The following PKP2 variants were observed in gnomAD, a reference collection of about 807,000 sequenced individuals.
PKP2 encodes plakophilin 2, also known as plakophilin-2.
Under a neutral mutation model 83.4 loss-of-function variants are expected in PKP2, and 73 were observed. That is an observed-to-expected ratio of 0.88 (90% confidence interval 0.72 to 1.06). The LOEUF (loss-of-function observed/expected upper bound fraction) is 1.06, where lower values mean the gene tolerates loss of function less well. PKP2 is among the 50% of genes least tolerant of loss of function. The pLI, the probability that PKP2 is intolerant of heterozygous loss-of-function variation, is 0.00. For missense variants in PKP2, 966 were observed against 1,065.4 expected, an observed-to-expected ratio of 0.91 and a Z score of 1.30; for synonymous variants, 409 against 430.4, an observed-to-expected ratio of 0.95 and a Z score of 0.62.
chr12:32,849,041 T>C (rs1956674065), intron 5 of PKP2, among the ~76,000 whole-genome samples: 1 of 150,922 alleles, frequency 6.6e-6, no homozygotes, highest in African/African-American at 2.4e-5. Flanking sequence ...CTATGATGTA[T>C]ATTCTTTGAG....
chr12:32,864,309 T>TAC (rs35886681), intron 4 of PKP2, among the ~76,000 whole-genome samples: 21,677 of 145,694 alleles, frequency 0.15, 1,641 homozygotes, highest in Middle Eastern at 0.2. Context: ...ACTATACACA[T>TAC]ACACACACAC....
chr12:32,895,908 C>A (rs1286385140), intron 1 of PKP2, among the ~76,000 whole-genome samples: 1 of 152,220 alleles, frequency 6.6e-6, no homozygotes, highest in Non-Finnish European at 1.5e-5. Flanking sequence ...TGTTTGTTCC[C>A]TGGACCAAAG....
intron 6 of PKP2, among the ~76,000 whole-genome samples, chr12:32,839,616 T>A (rs767308075): frequency 1.6e-4 from 25 of 152,090 alleles, no homozygotes; most frequent in Non-Finnish European, 2.6e-4. Flanking sequence ...CTGCAATATC[T>A]CAGCCACATG....
intron 10 of PKP2, among the ~76,000 whole-genome samples, chr12:32,797,715 C>T (rs145644046): frequency 0.054 from 8,191 of 151,728 alleles, 267 homozygotes; most frequent in Non-Finnish European, 0.079. Context: ...GCCACCACGC[C>T]GGGCTAATTT....
intron 3 of PKP2, among the ~76,000 whole-genome samples, chr12:32,876,195 A>G (rs899834394): frequency 6.6e-6 from 1 of 152,188 alleles, no homozygotes; most frequent in African/African-American, 2.4e-5. Context: ...TACTCAATAT[A>G]GTGTCTGCTT....
At position 32,863,206 on chromosome 12, in the gene PKP2, G is replaced by A. The variant is rs557836382; in HGVS notation, c.1170+5721C>T. The A allele has an allele frequency of 3.4e-5, 8 of 235,766 alleles. No individual in the cohort carries two copies. In the South Asian group the frequency reaches 5.9e-4, roughly 17 times the overall value. 14.6% of individuals were successfully genotyped at this position (235,766 alleles called of 1,614,324 possible). ...TCTTCTTAAAATTAAAGGTGTTTAT[G>A]CCCGAGATGAAACAGAATTCTACTT... is the stretch of plus-strand genomic sequence containing the variant. On this transcript the variant is annotated intron_variant, in intron 4 of 12. Coordinates refer to ENST00000340811, the MANE Select transcript of PKP2 (RefSeq NM_001005242.3).
At chr12:32,819,807 C>T (rs1956358904) in intron 9 of PKP2, among the ~76,000 whole-genome samples, 1 of 151,902 alleles carries the variant, frequency 6.6e-6, no homozygotes, top group African/African-American at 2.4e-5. Context: ...AGGCTAAAAT[C>T]CAAGCTTAAA....
chr12:32,870,393 C>T (rs1956885492), intron 3 of PKP2, among the ~76,000 whole-genome samples: 1 of 151,974 alleles, frequency 6.6e-6, no homozygotes, highest in African/African-American at 2.4e-5. Flanking sequence ...TGTTCAAACA[C>T]AGAAGGGTTA....
chr12:32,817,841 G>A (rs1956333996), intron 9 of PKP2, among the ~76,000 whole-genome samples: 1 of 152,152 alleles, frequency 6.6e-6, no homozygotes, highest in Non-Finnish European at 1.5e-5. Context: ...GGACTGTTAG[G>A]AACCCGCCGC....
At chr12:32,802,215 C>A (rs1956187385) in intron 10 of PKP2, among the ~76,000 whole-genome samples, 188 bp downstream of exon 10, 1 of 151,166 alleles carries the variant, frequency 6.6e-6, no homozygotes, top group Non-Finnish European at 1.5e-5. Flanking sequence ...TAAAAAAAAT[C>A]TCTGGTGAGA....
intron 9 of PKP2, among the ~76,000 whole-genome samples, chr12:32,819,080 C>A (rs1956347834): frequency 6.6e-6 from 1 of 151,816 alleles, no homozygotes; most frequent in African/African-American, 2.4e-5. Flanking sequence ...GAGTTTGAGA[C>A]CAGCCTGGCC....
rs1956955311 is a variant in PKP2, at chr12:32,878,440, C to T, written c.440G>A (p.Arg147Lys). 1 of 1,614,120 alleles carries T rather than the reference C, an allele frequency of 6.2e-7. No individual in the cohort carries two copies. Among genetic ancestry groups the T allele is most frequent in the East Asian group, 2.2e-5 (1 of 44,860 alleles). The change falls in exon 3 of 13, where the codon AGA becomes AAA. Residue 147 changes from arginine (R) to lysine (K), a missense_variant. Physicochemically the swap from Arg to Lys is conservative, Grantham distance 26. Transcript: ENST00000340811. ...EERSLRHPLR[R>K]LEISPDSSPE... ...GCTGCTGTCAGGAGAAATCTCCAGT[C>T]TCCTCAGAGGATGCCTCAAGGACCT...
At position 32,813,989 on chromosome 12, in the gene PKP2, C is replaced by G. The variant is rs1459129657; in HGVS notation, c.2013+7367G>C. On this transcript the variant is annotated intron_variant, in intron 9 of 12. Transcript: ENST00000340811. ...TTAATTTGCAGAACATTCTGTTAGA[C>G]TATTTGCTCTCCTCTGAGAAGAATC... Among the ~76,000 whole-genome samples the G allele has an allele frequency of 2.0e-5, 3 of 152,080 alleles. No individual in the cohort carries two copies. In the East Asian group the frequency reaches 5.8e-4, roughly 29 times the overall value.
At chr12:32,885,336 A>C (rs892906037) in intron 1 of PKP2, among the ~76,000 whole-genome samples, 4 of 152,234 alleles carry the variant, frequency 2.6e-5, no homozygotes, top group Non-Finnish European at 5.9e-5. Context: ...ATTGCTCGAA[A>C]TAATGAATTA....
chr12:32,858,125 AT>A (rs1220432775), intron 4 of PKP2, among the ~76,000 whole-genome samples: 1 of 96,870 alleles, frequency 1.0e-5, no homozygotes, highest in African/African-American at 4.2e-5. Flanking sequence ...ATTTATATAT[AT>A]TTTATATTTA....
chr12:32,819,272 C>T lies in PKP2; in HGVS notation c.2013+2084G>A, dbSNP rs1049926077. On this transcript the variant is annotated intron_variant, in intron 9 of 12. Transcript: ENST00000340811. ...CAGCCTGGGCAACAGAGTGAGATTC[C>T]GCCTCAAAATAAATACAATACAATA... Among the ~76,000 whole-genome samples, 24 of 148,344 alleles carry T rather than the reference C, an allele frequency of 1.6e-4. 1 individual carries two copies. Among genetic ancestry groups the T allele is most frequent in the Admixed American group, 7.4e-4 (11 of 14,826 alleles).
At chr12:32,858,294 A>G (rs1252607997) in intron 4 of PKP2, among the ~76,000 whole-genome samples, 1 of 150,090 alleles carries the variant, frequency 6.7e-6, no homozygotes, top group Non-Finnish European at 1.5e-5. Flanking sequence ...ACAGAACAAC[A>G]CCCTGTCTCA....
At chr12:32,863,285 G>A (rs1000256647) in intron 4 of PKP2, 5 of 264,462 alleles carry the variant, frequency 1.9e-5, no homozygotes, top group African/African-American at 9.2e-5. Context: ...GTGACTCCTG[G>A]CAGCAAACCA....
At chr12:32,830,800 G>A (rs1956493578) in intron 6 of PKP2, among the ~76,000 whole-genome samples, 1 of 152,050 alleles carries the variant, frequency 6.6e-6, no homozygotes. Context: ...CAGCTACTTG[G>A]GAGGCTGAGG....
Sources: gnomAD v4.1 joint callset for allele counts (sites outside exome capture counted in the v4.1 genomes callset) on GRCh38, gnomAD v4.1.1 for gene constraint, MANE v1.5 for transcripts, NCBI Gene and HGNC (gene_info 2026-07-23, HGNC 2026-07-21) for gene names.